The following WASF1 variants were observed in gnomAD, a reference collection of about 807,000 sequenced individuals.
WASF1 encodes the protein WASP family member 1.
Under a neutral mutation model 50.5 loss-of-function variants are expected in WASF1, and 7 were observed. The observed-to-expected ratio is 0.14, with a 90% CI of 0.08 to 0.26. WASF1 has a LOEUF of 0.26. Among genes scored for constraint, WASF1 ranks in the 10% least tolerant of loss-of-function variants. The pLI, the probability that WASF1 is intolerant of heterozygous loss-of-function variation, is 1.00. For missense variants in WASF1, 470 were observed against 694.7 expected, an observed-to-expected ratio of 0.68 and a Z score of 3.64; for synonymous variants, 205 against 244.0, an observed-to-expected ratio of 0.84 and a Z score of 1.49.
chr6:110,136,884 CCTGATCCCCCAGTCTCAATGAGAT>C (rs1774992470), intron 3 of WASF1, among the ~76,000 whole-genome samples: 1 of 152,152 alleles, frequency 6.6e-6, no homozygotes, highest in Non-Finnish European at 1.5e-5. Context: ...GATAACATTC[CCTGATCCCCCAGTCTCAATGAGAT>C]GTGGTCCTCC....
chr6:110,126,388 C>G (rs1440801153), intron 4 of WASF1, among the ~76,000 whole-genome samples: 2 of 152,078 alleles, frequency 1.3e-5, no homozygotes, highest in Non-Finnish European at 2.9e-5. Flanking sequence ...TTTATTCTTA[C>G]TATTTCACAG....
chr6:110,171,380 T>G (rs906420826), intron 2 of WASF1, among the ~76,000 whole-genome samples: 5 of 152,114 alleles, frequency 3.3e-5, no homozygotes, highest in African/African-American at 1.2e-4. Flanking sequence ...TTGTATTAAG[T>G]GAAAATGAAA....
intron 3 of WASF1, among the ~76,000 whole-genome samples, chr6:110,158,783 C>G (rs1776133409): frequency 2.6e-5 from 4 of 152,022 alleles, no homozygotes; most frequent in African/African-American, 9.6e-5. Context: ...AGCTACTATT[C>G]TATTTAGAAT....
rs754089584 is a variant in WASF1 at position 110,102,179 on chromosome 6, G to C, written c.931C>G (p.Pro311Ala). The C allele has an allele frequency of 2.1e-6, 3 of 1,419,612 alleles. No homozygotes were observed. Among genetic ancestry groups the C allele is most frequent in the Admixed American group, 2.7e-5 (1 of 37,048 alleles). 87.9% of individuals were successfully genotyped at this position (1,419,612 alleles called of 1,614,324 possible). ...AACACAGGTGTTCTGCCTGTAGCTG[G>C]TGACTGAGGGCGATTTTCTATCAAA... ...TGLIENRPQSPATGRTPVFVS... is the reference protein window; with the variant it reads ...TGLIENRPQSAATGRTPVFVS... Residue 311 changes from proline to alanine, a missense_variant, in exon 10 of 11, where the codon CCA (proline) becomes GCA (alanine). Pro to Ala is a conservative substitution (Grantham distance 27, BLOSUM62 -1). Transcript: ENST00000392589.
chr6:110,128,941 T>C (rs1774536404), intron 3 of WASF1, among the ~76,000 whole-genome samples: 1 of 152,220 alleles, frequency 6.6e-6, no homozygotes, highest in South Asian at 2.1e-4. Flanking sequence ...TAATGCCTGA[T>C]GATCTGAGGT....
chr6:110,112,534 T>C (rs981475658), intron 5 of WASF1, among the ~76,000 whole-genome samples: 1 of 152,152 alleles, frequency 6.6e-6, no homozygotes, highest in Non-Finnish European at 1.5e-5. Flanking sequence ...GAAATGTTCA[T>C]TTAAAGTAGG....
At chr6:110,102,629 T>G (rs1773145913) in intron 9 of WASF1, among the ~76,000 whole-genome samples, 2 of 152,168 alleles carry the variant, frequency 1.3e-5, no homozygotes, top group Non-Finnish European at 2.9e-5. Flanking sequence ...TGAAGTCTCA[T>G]CATATGCTAT....
Position 110,124,214 on chromosome 6 carries a change from TCTC to T in WASF1, c.133+3252_133+3254del, listed in dbSNP as rs1354763239. Among the ~76,000 whole-genome samples the T allele has an allele frequency of 4.0e-3, 280 of 70,818 alleles. 5 individuals are homozygous for T. The highest frequency in any genetic ancestry group is 0.016 in the South Asian group (25 of 1,586). 46.5% of individuals were successfully genotyped at this position (70,818 alleles called of 152,430 possible). A position where few individuals can be genotyped will look rare whatever the true frequency, so the allele number is the denominator to read the frequency against. On this transcript the variant is annotated intron_variant, in intron 4 of 10. Coordinates refer to ENST00000392589, the MANE Select transcript of WASF1 (RefSeq NM_003931.3). ...GCGTCTCTCTCTCTCTCTCTCTCTC[TCTC>T]CTCTCTCTCCTCTCTCTCCTCTCTC...
chr6:110,118,029 G>A (rs1309522356), intron 4 of WASF1, among the ~76,000 whole-genome samples: 1 of 152,058 alleles, frequency 6.6e-6, no homozygotes, highest in Non-Finnish European at 1.5e-5. Context: ...AACATGGAAA[G>A]CAACAACCGG....
chr6:110,105,275 T>A (rs891207363), intron 8 of WASF1, 132 bp downstream of exon 8: 11 of 1,010,678 alleles, frequency 1.1e-5, no homozygotes, highest in Non-Finnish European at 1.5e-5. Context: ...GTGGTCAGGA[T>A]TTTGAAATAA....
chr6:110,170,954 A>T (rs1776687692), intron 2 of WASF1, among the ~76,000 whole-genome samples: 1 of 152,190 alleles, frequency 6.6e-6, no homozygotes, highest in African/African-American at 2.4e-5. Flanking sequence ...AAAAACTGAT[A>T]AAACTACAAG....
At position 110,108,596 on chromosome 6, in the gene WASF1, A is replaced by C. The variant is rs1773427874; in HGVS notation, c.354T>G (p.Pro118=). Residue 118 remains proline (P), a synonymous_variant, in exon 6 of 11, where the codon CCT becomes CCG. Transcript: ENST00000392589. ...CATCGTACGTCTCCTGTAATGGAAT[A>C]GGCAAAGTCTTGCGATCGAAAAGCT... ...DQQLFDRKTL[P]IPLQETYDVC... 1.2e-6 allele frequency: 2 copies of C among 1,614,020 alleles called. No individual in the cohort carries two copies. Among genetic ancestry groups the C allele is most frequent in the Non-Finnish European group, 1.7e-6 (2 of 1,179,994 alleles).
chr6:110,140,107 C>T (rs569840257), intron 3 of WASF1, among the ~76,000 whole-genome samples: 1 of 152,282 alleles, frequency 6.6e-6, no homozygotes, highest in South Asian at 2.1e-4. Context: ...CTTTCAGCCC[C>T]ATCCCCCTAA....
chr6:110,151,737 A>G (rs531523967), intron 3 of WASF1, among the ~76,000 whole-genome samples: 29 of 152,282 alleles, frequency 1.9e-4, no homozygotes, highest in African/African-American at 7.0e-4. Flanking sequence ...TACTTCCTCA[A>G]CTTTCTACTG....
chr6:110,169,734 T>G (rs186271822), intron 2 of WASF1, among the ~76,000 whole-genome samples: 85 of 152,256 alleles, frequency 5.6e-4, no homozygotes, highest in African/African-American at 1.9e-3. Flanking sequence ...TGTAAAAAAA[T>G]TCTGTAGTGG....
At chr6:110,104,588 A>C (rs1180265129) in intron 8 of WASF1, among the ~76,000 whole-genome samples, 1 of 152,182 alleles carries the variant, frequency 6.6e-6, no homozygotes, top group Admixed American at 6.5e-5. Context: ...CATGAGTTCA[A>C]GATCAGCCCG....
intron 4 of WASF1, among the ~76,000 whole-genome samples, chr6:110,115,969 A>G (rs1773786709): frequency 6.6e-6 from 1 of 152,196 alleles, no homozygotes; most frequent in Non-Finnish European, 1.5e-5. Context: ...TAGACAGCAC[A>G]CCAGAGGAAT....
chr6:110,163,985 G>A (rs1484669159), intron 2 of WASF1, among the ~76,000 whole-genome samples: 2 of 151,640 alleles, frequency 1.3e-5, no homozygotes, highest in Non-Finnish European at 3.0e-5. Flanking sequence ...AACAAATGAT[G>A]CTGGAATTGG....
chr6:110,122,746 A>C (rs1011610973), intron 4 of WASF1, among the ~76,000 whole-genome samples: 1 of 152,168 alleles, frequency 6.6e-6, no homozygotes, highest in Admixed American at 6.5e-5. Flanking sequence ...TACAACATAA[A>C]ATATACATGT....
Sources: allele counts gnomAD v4.1 joint callset (sites outside exome capture counted in the v4.1 genomes callset), GRCh38; gene constraint gnomAD v4.1.1; transcripts MANE v1.5; gene names NCBI Gene and HGNC (gene_info 2026-07-23, HGNC 2026-07-21).